Variants in SDK1 observed in about 807,000 individuals in gnomAD.
The protein encoded by SDK1 is sidekick cell adhesion molecule 1.
In SDK1, 157 loss-of-function variants were observed where a neutral mutation model predicts 245.5. That is an observed-to-expected ratio of 0.64 (90% CI 0.56 to 0.73). SDK1 has a LOEUF of 0.73. SDK1 is among the 30% of genes least tolerant of loss of function. SDK1 has a pLI of 0.00. For missense variants in SDK1, 3,583 were observed against 3,002.3 expected (o/e 1.19, Z -4.52); for synonymous variants, 1,647 against 1,278.5 (o/e 1.29, Z -6.15).
chr7:3,369,537 T>A (rs1293238549), intron 1 of SDK1, among the ~76,000 whole-genome samples: 2 of 152,132 alleles, frequency 1.3e-5, no homozygotes, highest in African/African-American at 4.8e-5. Flanking sequence ...GAAAAAGTAA[T>A]AAAAAGTACC....
chr7:3,684,876 T>C (rs1784229549), intron 4 of SDK1, among the ~76,000 whole-genome samples: 1 of 151,866 alleles, frequency 6.6e-6, no homozygotes, highest in Admixed American at 6.6e-5. Flanking sequence ...AATAGTAGAA[T>C]AGAGATGACA....
intron 1 of SDK1, among the ~76,000 whole-genome samples, chr7:3,537,159 C>T (rs898940427): frequency 2.6e-5 from 4 of 152,258 alleles, no homozygotes; most frequent in South Asian, 2.1e-4. Context: ...AGACAGCTAC[C>T]GATCTGATAC....
chr7:3,699,775 T>C lies in SDK1; in HGVS notation c.713+57670T>C, dbSNP rs1172549910. ...ATATGGCATTTTAAAATATGGCAAA[T>C]TCGTTGAAGAATTGTTCAAAGAAAT... On this transcript the variant is annotated intron_variant, in intron 4 of 44. Transcript: ENST00000404826. Among the ~76,000 whole-genome samples, 4 of 152,126 alleles carry C rather than the reference T, an allele frequency of 2.6e-5. No individual in the cohort carries two copies. In the East Asian group the frequency reaches 7.7e-4, roughly 29 times the overall value.
At chr7:4,162,401 T>C (rs1224374831) in intron 32 of SDK1, among the ~76,000 whole-genome samples, 1 of 147,234 alleles carries the variant, frequency 6.8e-6, no homozygotes, top group African/African-American at 2.5e-5. Flanking sequence ...TTATTATTAT[T>C]ATTATTATTA....
At chr7:3,363,809 G>C (rs1781016044) in intron 1 of SDK1, among the ~76,000 whole-genome samples, 1 of 152,216 alleles carries the variant, frequency 6.6e-6, no homozygotes. Context: ...CTGCTGTGCA[G>C]CCTGGTTCCT....
At chr7:3,521,851 G>A (rs1277965364) in intron 1 of SDK1, among the ~76,000 whole-genome samples, 2 of 152,156 alleles carry the variant, frequency 1.3e-5, no homozygotes, top group Non-Finnish European at 2.9e-5. Flanking sequence ...ATTTCAATTT[G>A]AATTCCTGAA....
chr7:4,202,281 C>T (rs1419982813), intron 35 of SDK1, among the ~76,000 whole-genome samples: 2 of 152,210 alleles, frequency 1.3e-5, no homozygotes, highest in Non-Finnish European at 2.9e-5. Flanking sequence ...ATTTTGGCAG[C>T]GTTAGGCTGG....
intron 4 of SDK1, among the ~76,000 whole-genome samples, chr7:3,790,809 C>G (rs1293424569): frequency 6.6e-6 from 1 of 152,124 alleles, no homozygotes; most frequent in African/African-American, 2.4e-5. Context: ...AAAACACACA[C>G]ACAAAACCAA....
intron 5 of SDK1, among the ~76,000 whole-genome samples, chr7:3,937,738 C>T (rs1240130729): frequency 6.6e-6 from 1 of 152,214 alleles, no homozygotes; most frequent in African/African-American, 2.4e-5. Context: ...CCTGCAGGTT[C>T]CCATTGTCCG....
chr7:3,772,904 G>T (rs770004076), intron 4 of SDK1, among the ~76,000 whole-genome samples: 5 of 152,134 alleles, frequency 3.3e-5, no homozygotes, highest in African/African-American at 4.8e-5. Flanking sequence ...CAAATCTGCT[G>T]ATAATTTTAT....
chr7:3,644,243 T>TTATATTA (rs1030433577), intron 4 of SDK1, among the ~76,000 whole-genome samples: 1 of 145,290 alleles, frequency 6.9e-6, no homozygotes, highest in Non-Finnish European at 1.5e-5. Flanking sequence ...GAACAAAAAT[T>TTATATTA]TATATATATA....
At chr7:3,576,496 C>T (rs1780297347) in intron 1 of SDK1, among the ~76,000 whole-genome samples, 1 of 152,048 alleles carries the variant, frequency 6.6e-6, no homozygotes, top group Non-Finnish European at 1.5e-5. Flanking sequence ...ATGTCTTGCT[C>T]CTTGCTATGT....
At chr7:3,992,729 T>G (rs1256218649) in intron 14 of SDK1, among the ~76,000 whole-genome samples, 1 of 152,146 alleles carries the variant, frequency 6.6e-6, no homozygotes, top group Non-Finnish European at 1.5e-5. Flanking sequence ...AAAGGATTAC[T>G]GAGTGTCTCA....
At chr7:3,831,529 T>G (rs1779912133) in intron 5 of SDK1, among the ~76,000 whole-genome samples, 4 of 152,208 alleles carry the variant, frequency 2.6e-5, no homozygotes, top group South Asian at 4.1e-4. Flanking sequence ...TATATTATTT[T>G]CTGATTCAAA....
chr7:3,882,388 G>A (rs1408823038), intron 5 of SDK1, among the ~76,000 whole-genome samples: 1 of 152,142 alleles, frequency 6.6e-6, no homozygotes, highest in Non-Finnish European at 1.5e-5. Flanking sequence ...AATGCCGTAT[G>A]AGCCAGGAGA....
intron 4 of SDK1, among the ~76,000 whole-genome samples, chr7:3,811,073 C>G (rs971282589): frequency 4.6e-5 from 7 of 152,254 alleles, no homozygotes; most frequent in African/African-American, 9.6e-5. Context: ...TCTTACTTGC[C>G]AGTCACATTC....
At chr7:3,716,041 C>G (rs536491250) in intron 4 of SDK1, among the ~76,000 whole-genome samples, 39 of 142,724 alleles carry the variant, frequency 2.7e-4, no homozygotes, top group Non-Finnish European at 3.6e-4. Flanking sequence ...GTGGAGAAGA[C>G]AAAGATAGAT....
chr7:3,904,567 C>T (rs1048710193), intron 5 of SDK1, among the ~76,000 whole-genome samples: 1 of 152,098 alleles, frequency 6.6e-6, no homozygotes, highest in Non-Finnish European at 1.5e-5. Flanking sequence ...TGGTGGTGCA[C>T]ACTTGTAGTC....
chr7:3,456,631 G>C (rs1206482042), intron 1 of SDK1, among the ~76,000 whole-genome samples: 3 of 152,052 alleles, frequency 2.0e-5, no homozygotes, highest in Non-Finnish European at 4.4e-5. Flanking sequence ...ATAGTTGCTT[G>C]TTGATGTATT....
Sources: allele counts gnomAD v4.1 joint callset (sites outside exome capture counted in the v4.1 genomes callset), GRCh38; gene constraint gnomAD v4.1.1; transcripts MANE v1.5; gene names NCBI Gene and HGNC (gene_info 2026-07-23, HGNC 2026-07-21).